The following PUM1 variants were observed in gnomAD, a reference collection of about 807,000 sequenced individuals.
PUM1 encodes the protein pumilio homolog 1.
Under a neutral mutation model 131.8 loss-of-function variants are expected in PUM1, and 13 were observed. The observed-to-expected ratio is 0.10, with a 90% CI of 0.06 to 0.16. The LOEUF is 0.16. PUM1 is among the 10% of genes least tolerant of loss of function. PUM1 has a pLI of 1.00. For missense variants in PUM1, 961 were observed against 1,512.4 expected, an observed-to-expected ratio of 0.64 and a Z score of 6.05; for synonymous variants, 509 against 556.5, an observed-to-expected ratio of 0.91 and a Z score of 1.20.
At chr1:31,002,233 T>C (rs1293342890) in intron 5 of PUM1, among the ~76,000 whole-genome samples, 3 of 152,192 alleles carry the variant, frequency 2.0e-5, no homozygotes, top group Admixed American at 6.5e-5. Flanking sequence ...CTAAAGTAAA[T>C]GCAGTGAAAC....
At chr1:30,980,207 C>T in intron 8 of PUM1, 44 bp from the exon 9 acceptor site, 1 of 1,474,886 alleles carries the variant, frequency 6.8e-7, no homozygotes, top group Non-Finnish European at 9.4e-7. Flanking sequence ...TTGACTAAAA[C>T]TGCAGCCCTA....
At chr1:30,934,234 T>C (rs746627567) in intron 21 of PUM1, among the ~76,000 whole-genome samples, 17 of 152,224 alleles carry the variant, frequency 1.1e-4, no homozygotes, top group Non-Finnish European at 1.9e-4. Flanking sequence ...TCAGGGAGCA[T>C]TCTACATACC....
Position 30,952,342 on chromosome 1 carries a change from C to T in PUM1, c.2613G>A (p.Glu871=). Residue 871 remains glutamate (E), a synonymous_variant, in exon 16 of 22, where the codon GAG becomes GAA. Transcript: ENST00000426105. ...HGSRFIQLKL[E]RATPAERQLV... ...GCTGGCGCTCAGCTGGTGTGGCACGCTCCAGTTTCAGCTGAATGAATCTGA... is the reference window on the plus strand; with the variant it reads ...GCTGGCGCTCAGCTGGTGTGGCACGTTCCAGTTTCAGCTGAATGAATCTGA... 6.2e-7 allele frequency: 1 copy of T among 1,613,788 alleles called. No individual in the cohort carries two copies. Among genetic ancestry groups the T allele is most frequent in the South Asian group, 1.1e-5 (1 of 91,084 alleles).
intron 2 of PUM1, among the ~76,000 whole-genome samples, chr1:31,038,371 G>C (rs1222169710): frequency 6.6e-6 from 1 of 152,084 alleles, no homozygotes; most frequent in Non-Finnish European, 1.5e-5. Flanking sequence ...CCTTTGCGAT[G>C]GACTAGGCAT....
intron 14 of PUM1, among the ~76,000 whole-genome samples, chr1:30,960,296 A>G (rs1640350958): frequency 6.6e-6 from 1 of 152,214 alleles, no homozygotes. Flanking sequence ...ATTTCCTTTG[A>G]GCTTTGTTAA....
At chr1:31,056,151 T>G (rs1465440429) in intron 2 of PUM1, among the ~76,000 whole-genome samples, 2 of 152,178 alleles carry the variant, frequency 1.3e-5, no homozygotes, top group Non-Finnish European at 2.9e-5. Context: ...CTATCAAATG[T>G]AATCACTGTG....
chr1:31,045,366 G>A (rs1643926988), intron 2 of PUM1, among the ~76,000 whole-genome samples: 2 of 150,274 alleles, frequency 1.3e-5, no homozygotes, highest in Admixed American at 6.6e-5. Flanking sequence ...GCGAACTCCT[G>A]GCCTCAGACG....
chr1:31,042,063 G>T (rs1643835578), intron 2 of PUM1, among the ~76,000 whole-genome samples: 1 of 152,082 alleles, frequency 6.6e-6, no homozygotes, highest in African/African-American at 2.4e-5. Flanking sequence ...CCAGGACTTT[G>T]GGAGGCCGAG....
chr1:30,963,635 G>A (rs934423872), intron 14 of PUM1, among the ~76,000 whole-genome samples: 6 of 152,170 alleles, frequency 3.9e-5, no homozygotes, highest in South Asian at 4.2e-4. Context: ...CTATCCAAAC[G>A]AAGGCATCCT....
intron 5 of PUM1, among the ~76,000 whole-genome samples, chr1:30,995,712 A>C (rs1316268661): frequency 6.6e-6 from 1 of 152,302 alleles, no homozygotes; most frequent in South Asian, 2.1e-4. Context: ...TTACTTCTAA[A>C]TATTGAGCCA....
At chr1:30,960,903 T>TTTGGATTAGGA (rs1640376955) in intron 14 of PUM1, among the ~76,000 whole-genome samples, 1 of 151,920 alleles carries the variant, frequency 6.6e-6, no homozygotes, top group Admixed American at 6.6e-5. Context: ...ATTTCTTCGA[T>TTTGGATTAGGA]ACTATTCCAA....
intron 3 of PUM1, among the ~76,000 whole-genome samples, chr1:31,020,199 G>A (rs577685353): frequency 7.6e-4 from 115 of 152,220 alleles, no homozygotes; most frequent in African/African-American, 2.6e-3. Context: ...ATTCACTTAG[G>A]ATAATGGACT....
chr1:31,010,151 T>C (rs899377523), intron 3 of PUM1, among the ~76,000 whole-genome samples: 7 of 152,086 alleles, frequency 4.6e-5, no homozygotes, highest in Non-Finnish European at 7.3e-5. Flanking sequence ...TGAACCAAGG[T>C]GCTTGGGCAA....
intron 2 of PUM1, among the ~76,000 whole-genome samples, chr1:31,057,075 G>A (rs1395145959): frequency 6.6e-6 from 1 of 152,158 alleles, no homozygotes; most frequent in Non-Finnish European, 1.5e-5. Flanking sequence ...TTACAGGCAT[G>A]AGCCACTGCA....
At chr1:31,026,924 G>A (rs373686363) in intron 3 of PUM1, among the ~76,000 whole-genome samples, 186 of 138,684 alleles carry the variant, frequency 1.3e-3, no homozygotes, top group Non-Finnish European at 2.1e-3. Flanking sequence ...TCATGCCCAC[G>A]GAATTATATA....
chr1:31,005,827 G>GA (rs766405035), intron 5 of PUM1, 26 bp downstream of exon 5: 5 of 1,527,186 alleles, frequency 3.3e-6, no homozygotes, highest in Non-Finnish European at 3.5e-6. Context: ...GAGAGAGATA[G>GA]GAACAAGTTC....
chr1:31,019,875 T>G (rs989164940), intron 3 of PUM1, among the ~76,000 whole-genome samples: 1 of 152,110 alleles, frequency 6.6e-6, no homozygotes, highest in African/African-American at 2.4e-5. Context: ...ATAAATAAGG[T>G]CACGTGTTTT....
chr1:31,024,969 A>ACG (rs1241216166), intron 3 of PUM1, among the ~76,000 whole-genome samples: 113 of 152,358 alleles, frequency 7.4e-4, no homozygotes, highest in Non-Finnish European at 1.2e-3. Context: ...ATATAAATAA[A>ACG]AGCTGCTAAA....
At chr1:31,006,206 C>G (rs1642396925) in intron 4 of PUM1, among the ~76,000 whole-genome samples, 175 bp from the exon 5 acceptor site, 1 of 152,190 alleles carries the variant, frequency 6.6e-6, no homozygotes, top group Non-Finnish European at 1.5e-5. Context: ...AAATGGAACA[C>G]ACTCCTCATT....
Sources: allele counts gnomAD v4.1 joint callset (sites outside exome capture counted in the v4.1 genomes callset), GRCh38; gene constraint gnomAD v4.1.1; transcripts MANE v1.5; gene names NCBI Gene and HGNC (gene_info 2026-07-23, HGNC 2026-07-21).